CSMD3: variants seen among roughly 807,000 people sequenced by gnomAD.
CSMD3 encodes the protein CUB and sushi domain-containing protein 3.
CSMD3 carries 177 observed loss-of-function variants against 435.2 expected under a neutral mutation model. The observed-to-expected ratio is 0.41, with a 90% CI of 0.36 to 0.46. The LOEUF is 0.46. Among genes scored for constraint, CSMD3 ranks in the 20% least tolerant of loss-of-function variants. CSMD3 has a pLI of 0.34. For synonymous variants in CSMD3, 1,656 were observed against 1,520.5 expected (o/e 1.09, Z -2.07); for missense variants, 4,265 against 4,504.6 (o/e 0.95, Z 1.52).
chr8:113,182,194 G>C (rs2092430617), intron 3 of CSMD3, among the ~76,000 whole-genome samples: 1 of 151,880 alleles, frequency 6.6e-6, no homozygotes, highest in Admixed American at 6.6e-5. Flanking sequence ...GATTCCATAA[G>C]CTGATTTTTA....
chr8:112,448,621 T>G (rs369905224), intron 32 of CSMD3, among the ~76,000 whole-genome samples: 1 of 152,164 alleles, frequency 6.6e-6, no homozygotes, highest in African/African-American at 2.4e-5. Context: ...GATGATACAT[T>G]GATTTTGAAC....
chr8:112,590,990 T>C (rs1381532627), intron 22 of CSMD3, among the ~76,000 whole-genome samples: 1 of 152,056 alleles, frequency 6.6e-6, no homozygotes, highest in Non-Finnish European at 1.5e-5. Flanking sequence ...CTCTCTAATT[T>C]GAACTAGGGG....
In CSMD3 at chr8:112,318,863, A is replaced by T; in HGVS notation, c.7334T>A (p.Met2445Lys). The change falls in exon 47 of 71, where the codon ATG becomes AAG. Residue 2445 changes from methionine (M) to lysine (K), a missense_variant. This residue lies in a region of CSMD3 where 3,255 missense variants were observed against 3,380.2 expected (regional missense o/e 0.96). Transcript: ENST00000297405. ...LTCRLGERLQ[M>K]DGAPPVCQVL... ...TTGACAAACTGGAGGTGCTCCATCCATCTGCAGTCGTTCTCCTAATCTGCA... is the reference window on the plus strand; with the variant it reads ...TTGACAAACTGGAGGTGCTCCATCCTTCTGCAGTCGTTCTCCTAATCTGCA... 6.2e-7 allele frequency: 1 copy of T among 1,612,302 alleles called. No homozygotes were observed. Among genetic ancestry groups the T allele is most frequent in the Non-Finnish European group, 8.5e-7 (1 of 1,179,090 alleles).
At chr8:112,982,853 T>C (rs992279458) in intron 6 of CSMD3, among the ~76,000 whole-genome samples, 1 of 152,004 alleles carries the variant, frequency 6.6e-6, no homozygotes, top group Non-Finnish European at 1.5e-5. Flanking sequence ...CAAAATTTAT[T>C]TTTCAGGATA....
At chr8:113,155,801 T>C (rs2091917948) in intron 4 of CSMD3, among the ~76,000 whole-genome samples, 1 of 152,102 alleles carries the variant, frequency 6.6e-6, no homozygotes, top group Non-Finnish European at 1.5e-5. Flanking sequence ...AATACAGATA[T>C]ATTCAGTATG....
Position 112,461,926 on chromosome 8 carries a change from C to A in CSMD3, c.5395+10665G>T, listed in dbSNP as rs531640144. On this transcript the variant is annotated intron_variant, in intron 32 of 70. Transcript: ENST00000297405. Reference sequence around the variant, plus strand: ...TTCCCATACTTTAATTCTCTAGCTTCCAGTAGCATACTCTTTAAATTCAAA... The same window carrying A: ...TTCCCATACTTTAATTCTCTAGCTTACAGTAGCATACTCTTTAAATTCAAA... 4.6e-5 allele frequency among the ~76,000 whole-genome samples: 7 copies of A among 152,248 alleles called. No individual in the cohort carries two copies. The East Asian group carries it at 1.4e-3, about 29-fold the overall frequency.
intron 1 of CSMD3, among the ~76,000 whole-genome samples, chr8:113,409,657 G>A (rs2094549271): frequency 6.6e-6 from 1 of 152,110 alleles, no homozygotes; most frequent in South Asian, 2.1e-4. Flanking sequence ...GAATTATTCG[G>A]TTGAAGTTCT....
At chr8:113,264,703 G>A (rs1027837329) in intron 3 of CSMD3, among the ~76,000 whole-genome samples, 4 of 150,478 alleles carry the variant, frequency 2.7e-5, no homozygotes, top group Non-Finnish European at 4.4e-5. Flanking sequence ...AAATAATTTC[G>A]TCTATTTTTA....
intron 9 of CSMD3, among the ~76,000 whole-genome samples, chr8:112,922,153 A>G (rs1444698534): frequency 6.6e-6 from 1 of 152,044 alleles, no homozygotes; most frequent in African/African-American, 2.4e-5. Flanking sequence ...GTGTCTATAA[A>G]CATGCATTTA....
chr8:112,574,850 C>T (rs1395155291), intron 23 of CSMD3, among the ~76,000 whole-genome samples: 1 of 151,790 alleles, frequency 6.6e-6, no homozygotes, highest in African/African-American at 2.4e-5. Flanking sequence ...TCTCTTAGCT[C>T]AGATTGCCTT....
In CSMD3 at chr8:112,978,605, C is replaced by T. The variant is rs140737541; in HGVS notation, c.1031-2457G>A. 5.8e-3 allele frequency among the ~76,000 whole-genome samples: 885 copies of T among 152,042 alleles called. 5 individuals carry two copies. Among genetic ancestry groups the T allele is most frequent in the African/African-American group, 0.019 (798 of 41,504 alleles). ...ACGGTGATGAAGATTCAGTACTATT[C>T]CCTTAACCTAAATTTGGGACAGTGT... On this transcript the variant is annotated intron_variant, in intron 6 of 70. Coordinates refer to ENST00000297405, the MANE Select transcript of CSMD3 (RefSeq NM_198123.2).
intron 61 of CSMD3, among the ~76,000 whole-genome samples, chr8:112,257,628 G>C (rs1015075874): frequency 2.6e-5 from 4 of 152,082 alleles, no homozygotes; most frequent in Non-Finnish European, 5.9e-5. Flanking sequence ...AAGGAAATCA[G>C]AGAGGACACA....
At chr8:113,266,747 TATA>T (rs2093475044) in intron 3 of CSMD3, among the ~76,000 whole-genome samples, 2 of 151,804 alleles carry the variant, frequency 1.3e-5, no homozygotes, top group African/African-American at 4.8e-5. Context: ...GCATTTTTTC[TATA>T]ATGTTTTAAT....
chr8:113,250,493 A>T lies in CSMD3; in HGVS notation c.514+28099T>A, dbSNP rs368355449. Among the ~76,000 whole-genome samples the T allele has an allele frequency of 4.9e-4, 75 of 152,256 alleles. No homozygotes were observed. In the South Asian group the frequency reaches 0.016, roughly 32 times the overall value. On this transcript the variant is annotated intron_variant, in intron 3 of 70. Transcript: ENST00000297405. ...TTTTTTGTTTTATTCGTGAAATAAT[A>T]GGAAATATATTGATGCTTCAATATT...
intron 11 of CSMD3, among the ~76,000 whole-genome samples, chr8:112,846,818 G>A (rs557654637): frequency 7.9e-5 from 12 of 151,430 alleles, no homozygotes; most frequent in Admixed American, 7.9e-4. Flanking sequence ...TAAACCATTT[G>A]AACAAAAAAA....
chr8:112,609,558 T>G (rs1833089561), intron 22 of CSMD3, among the ~76,000 whole-genome samples: 1 of 152,150 alleles, frequency 6.6e-6, no homozygotes, highest in African/African-American at 2.4e-5. Context: ...CCTTATACAT[T>G]GTTGGTGGGA....
chr8:113,251,884 T>C (rs2093338004), intron 3 of CSMD3, among the ~76,000 whole-genome samples: 1 of 152,080 alleles, frequency 6.6e-6, no homozygotes, highest in South Asian at 2.1e-4. Context: ...ATTGTATACT[T>C]TCTTAGAAAT....
chr8:112,369,931 C>CAAGAAG (rs758434221), intron 38 of CSMD3, among the ~76,000 whole-genome samples: 1 of 97,550 alleles, frequency 1.0e-5, no homozygotes, highest in Non-Finnish European at 2.4e-5. Context: ...TTTGCTATTG[C>CAAGAAG]AAGAAGAAGA....
chr8:112,490,680 T>C (rs1207345099), intron 31 of CSMD3, among the ~76,000 whole-genome samples: 1 of 152,100 alleles, frequency 6.6e-6, no homozygotes, highest in East Asian at 1.9e-4. Context: ...CTCCTGGAAA[T>C]TTTTCAGAAA....
Sources: gnomAD v4.1 joint callset for allele counts (sites outside exome capture counted in the v4.1 genomes callset) on GRCh38, gnomAD v4.1.1 for gene constraint, gnomAD v4.1.1 regional missense constraint, MANE v1.5 for transcripts, NCBI Gene and HGNC (gene_info 2026-07-23, HGNC 2026-07-21) for gene names.